TLL1: variants seen among roughly 807,000 people sequenced by gnomAD.
TLL1 encodes tolloid-like protein 1.
TLL1 carries 49 observed loss-of-function variants against 128.2 expected under a neutral mutation model. The ratio of observed to expected loss-of-function variants is 0.38; its 90% CI spans 0.30 to 0.48. The LOEUF is 0.48. Among genes scored for constraint, TLL1 ranks in the 20% least tolerant of loss-of-function variants. TLL1 has a pLI of 0.96. For synonymous variants in TLL1, 454 were observed against 418.8 expected, an observed-to-expected ratio of 1.08 and a Z score of -1.03; for missense variants, 1,123 against 1,242.0, an observed-to-expected ratio of 0.90 and a Z score of 1.44.
At chr4:166,057,646 A>G (rs1740089172) in intron 14 of TLL1, among the ~76,000 whole-genome samples, 2 of 152,166 alleles carry the variant, frequency 1.3e-5, no homozygotes, top group Admixed American at 6.6e-5. Context: ...ATAGAAAGAG[A>G]TTTAATGGAC....
rs544177096 is a variant in TLL1, at chr4:165,982,295, A to G, written c.170-7086A>G. ...GAAACTTCTAAAGCTGTAAAACATTACAAATAATATTGAGAGGAATATTTC... is the reference window on the plus strand; with the variant it reads ...GAAACTTCTAAAGCTGTAAAACATTGCAAATAATATTGAGAGGAATATTTC... On this transcript the variant is annotated intron_variant, in intron 1 of 20. Coordinates refer to ENST00000061240, the MANE Select transcript of TLL1 (RefSeq NM_012464.5). Among the ~76,000 whole-genome samples, 11 of 152,118 alleles carry G rather than the reference A, an allele frequency of 7.2e-5. No homozygotes were observed. In the South Asian group the frequency reaches 1.0e-3, roughly 14 times the overall value.
rs543622575 is a variant in TLL1 at position 166,104,091 on chromosome 4, C to T, written c.*3215C>T. Among the ~76,000 whole-genome samples, 1 of 151,700 alleles carries T rather than the reference C, an allele frequency of 6.6e-6. No homozygotes were observed. The highest frequency in any genetic ancestry group is 1.5e-5 in the Non-Finnish European group (1 of 67,840). On this transcript the variant is annotated 3_prime_UTR_variant, in exon 21 of 21. Transcript: ENST00000061240. ...AGTATGAGATTCAAATTCTGTTTAACTTTGTTTTAAAATAGCTTGGTCTCT... is the reference window on the plus strand; with the variant it reads ...AGTATGAGATTCAAATTCTGTTTAATTTTGTTTTAAAATAGCTTGGTCTCT...
At chr4:165,980,511 A>G (rs951571519) in intron 1 of TLL1, among the ~76,000 whole-genome samples, 1 of 152,148 alleles carries the variant, frequency 6.6e-6, no homozygotes, top group African/African-American at 2.4e-5. Flanking sequence ...ACGTGCAGCC[A>G]ATTGTAGTGA....
Position 166,014,465 on chromosome 4 carries a change from C to T in TLL1, c.947C>T (p.Ser316Phe). 1 of 1,612,234 alleles carries T rather than the reference C, an allele frequency of 6.2e-7. No individual in the cohort carries two copies. The highest frequency in any genetic ancestry group is 1.7e-5 in the Admixed American group (1 of 59,904). ...RGMFLDTILPSRDDNGIRPAI... is the reference protein window; with the variant it reads ...RGMFLDTILPFRDDNGIRPAI... ...ATGTTTCTGGATACCATTCTCCCCT[C>T]CCGTGATGATAATGGCATACGTCCT... The change falls in exon 8 of 21, where the codon TCC becomes TTC. Residue 316 changes from serine to phenylalanine, a missense_variant. Ser to Phe is a radical substitution (Grantham distance 155). This residue lies in a region of TLL1 where 480 missense variants were observed against 542.4 expected (regional missense o/e 0.89). Transcript: ENST00000061240.
chr4:165,930,162 G>A (rs1733450725), intron 1 of TLL1, among the ~76,000 whole-genome samples: 1 of 151,970 alleles, frequency 6.6e-6, no homozygotes, highest in Non-Finnish European at 1.5e-5. Flanking sequence ...AGAAATCAAG[G>A]TCTGGGTGCA....
chr4:165,985,973 G>A (rs1434852134), intron 1 of TLL1, among the ~76,000 whole-genome samples: 5 of 151,562 alleles, frequency 3.3e-5, no homozygotes, highest in Non-Finnish European at 7.4e-5. Flanking sequence ...TATTCTAATT[G>A]CACTTGAGTA....
At chr4:166,084,293 C>G (rs1321415007) in intron 18 of TLL1, among the ~76,000 whole-genome samples, 1 of 152,014 alleles carries the variant, frequency 6.6e-6, no homozygotes, top group African/African-American at 2.4e-5. Flanking sequence ...AGCCTGGTAT[C>G]AGATGTATGG....
At chr4:165,936,118 A>G (rs549008467) in intron 1 of TLL1, among the ~76,000 whole-genome samples, 1 of 150,958 alleles carries the variant, frequency 6.6e-6, no homozygotes, top group East Asian at 1.9e-4. Flanking sequence ...CATTCTTTTT[A>G]ATTTATATAA....
chr4:166,066,520 A>T (rs1285753923), intron 16 of TLL1, among the ~76,000 whole-genome samples: 2 of 151,846 alleles, frequency 1.3e-5, no homozygotes, highest in Admixed American at 1.3e-4. Flanking sequence ...AAATTGCAAT[A>T]AACCTTAGTA....
chr4:166,061,120 T>C (rs1387112571), intron 15 of TLL1, among the ~76,000 whole-genome samples: 3 of 152,122 alleles, frequency 2.0e-5, no homozygotes, highest in Non-Finnish European at 4.4e-5. Flanking sequence ...GGAAATGTAA[T>C]GTATCTGTGC....
chr4:165,994,345 C>T, intron 3 of TLL1, 36 bp from the exon 4 acceptor site: 1 of 1,613,142 alleles, frequency 6.2e-7, no homozygotes, highest in Non-Finnish European at 8.5e-7. Context: ...TGACCAAGAA[C>T]TTCTGTTTCA....
chr4:166,097,486 A>C (rs1436528729), intron 19 of TLL1, among the ~76,000 whole-genome samples: 1 of 152,084 alleles, frequency 6.6e-6, no homozygotes, highest in African/African-American at 2.4e-5. Flanking sequence ...CATTCTTGTG[A>C]TTGGAACCCT....
At chr4:165,941,263 T>C (rs1252135201) in intron 1 of TLL1, among the ~76,000 whole-genome samples, 1 of 152,124 alleles carries the variant, frequency 6.6e-6, no homozygotes, top group Non-Finnish European at 1.5e-5. Flanking sequence ...CTACTCCTTA[T>C]TTATCAGTTT....
intron 8 of TLL1, among the ~76,000 whole-genome samples, chr4:166,015,403 C>T (rs984844317): frequency 6.6e-6 from 1 of 151,888 alleles, no homozygotes; most frequent in Non-Finnish European, 1.5e-5. Flanking sequence ...TAATTGGCTG[C>T]AAATCTGATA....
chr4:166,040,516 A>G (rs1320203071), intron 10 of TLL1, among the ~76,000 whole-genome samples: 1 of 152,250 alleles, frequency 6.6e-6, no homozygotes, highest in Non-Finnish European at 1.5e-5. Context: ...ACATGGCTCA[A>G]TGTATAATGG....
At chr4:166,061,965 T>A (rs1230816816) in intron 15 of TLL1, among the ~76,000 whole-genome samples, 1 of 152,192 alleles carries the variant, frequency 6.6e-6, no homozygotes, top group Non-Finnish European at 1.5e-5. Context: ...CACCATTTAT[T>A]AAATAGGGAA....
intron 10 of TLL1, among the ~76,000 whole-genome samples, chr4:166,040,688 C>T (rs1350034185): frequency 6.6e-6 from 1 of 152,206 alleles, no homozygotes; most frequent in Non-Finnish European, 1.5e-5. Context: ...ACTCTATATC[C>T]TCTGAATTAG....
chr4:165,934,539 G>T (rs72970176), intron 1 of TLL1, among the ~76,000 whole-genome samples: 4,838 of 152,266 alleles, frequency 0.032, 233 homozygotes, highest in African/African-American at 0.1. Flanking sequence ...TTACAAATCA[G>T]ACACAAGACC....
chr4:166,068,660 C>T (rs564356665), intron 16 of TLL1, among the ~76,000 whole-genome samples: 1 of 151,916 alleles, frequency 6.6e-6, no homozygotes, highest in African/African-American at 2.4e-5. Context: ...AAATCCCATT[C>T]ATGGGACTTT....
Sources: gnomAD v4.1 joint callset for allele counts (sites outside exome capture counted in the v4.1 genomes callset) on GRCh38, gnomAD v4.1.1 for gene constraint, gnomAD v4.1.1 regional missense constraint, MANE v1.5 for transcripts, NCBI Gene and HGNC (gene_info 2026-07-23, HGNC 2026-07-21) for gene names.